Variants in ACTN4 observed in about 807,000 individuals in gnomAD.
ACTN4 encodes the protein alpha-actinin-4.
In ACTN4, 18 loss-of-function variants were observed where a neutral mutation model predicts 114.2. The observed-to-expected ratio is 0.16, with a 90% confidence interval of 0.11 to 0.23. The LOEUF is 0.23. Among genes scored for constraint, ACTN4 ranks in the 10% least tolerant of loss-of-function variants. The pLI, the probability that ACTN4 is intolerant of heterozygous loss-of-function variation, is 1.00. For missense variants in ACTN4, 722 were observed against 1,262.9 expected (o/e 0.57, Z 6.49); for synonymous variants, 515 against 506.3 (o/e 1.02, Z -0.23).
intron 5 of ACTN4, 152 bp from the exon 6 acceptor site, chr19:38,707,965 C>T (rs975497221): frequency 3.7e-6 from 3 of 804,368 alleles, no homozygotes; most frequent in Admixed American, 1.9e-5. Context: ...GTCATGCTTG[C>T]AGCCTCTCTG....
intron 3 of ACTN4, among the ~76,000 whole-genome samples, chr19:38,701,740 T>A (rs990631574): frequency 1.3e-5 from 2 of 152,238 alleles, no homozygotes; most frequent in African/African-American, 4.8e-5. Context: ...CAGGGGCCCC[T>A]GGGTTGAGCT....
intron 1 of ACTN4, among the ~76,000 whole-genome samples, chr19:38,651,318 T>G (rs1258526410): frequency 1.3e-5 from 2 of 152,182 alleles, no homozygotes; most frequent in Non-Finnish European, 2.9e-5. Context: ...CTGTAACCCG[T>G]AAGTAGGTTA....
chr19:38,706,069 T>C lies in ACTN4; in HGVS notation c.510T>C (p.Leu170=). The change falls in exon 5 of 21, where the codon CTT becomes CTC. Residue 170 remains leucine (L), a synonymous_variant. Transcript: ENST00000252699. ...VEETSAKEGL[L]LWCQRKTAPY... is the part of the protein sequence containing the mutation. ...AGACCTCGGCCAAGGAAGGGCTCCT[T>C]CTCTGGTGCCAGAGAAAGACAGCCC... The C allele has an allele frequency of 6.2e-7, 1 of 1,614,158 alleles. No homozygotes were observed. The highest frequency in any genetic ancestry group is 8.5e-7 in the Non-Finnish European group (1 of 1,180,006).
At chr19:38,708,020 G>T in intron 5 of ACTN4, 97 bp from the exon 6 acceptor site, 15 of 1,271,648 alleles carry the variant, frequency 1.2e-5, no homozygotes, top group Non-Finnish European at 1.6e-5. Flanking sequence ...AGACTGCAGT[G>T]AATGGGAATT....
chr19:38,653,220 C>T (rs1273559149), intron 1 of ACTN4, among the ~76,000 whole-genome samples: 2 of 151,988 alleles, frequency 1.3e-5, no homozygotes, highest in Non-Finnish European at 2.9e-5. Flanking sequence ...CGCCCTTTTT[C>T]AGAGTGAACT....
Position 38,729,450 on chromosome 19 carries a change from C to T in ACTN4, c.*18C>T. 1 of 1,612,566 alleles carries T rather than the reference C, an allele frequency of 6.2e-7. No individual in the cohort carries two copies. ...ACCTGTGAGGCCCCAGAGACCTGACCCAACACCCCCGACGGCCTCCAGGAG... is the reference window on the plus strand; with the variant it reads ...ACCTGTGAGGCCCCAGAGACCTGACTCAACACCCCCGACGGCCTCCAGGAG... On this transcript the variant is annotated 3_prime_UTR_variant, in exon 21 of 21. Transcript: ENST00000252699.
At chr19:38,720,581 T>TTGAGACTGGGAGAGGCTGAGG (rs1247254490) in intron 11 of ACTN4, among the ~76,000 whole-genome samples, 3 of 152,214 alleles carry the variant, frequency 2.0e-5, no homozygotes, top group African/African-American at 7.2e-5. Context: ...TGCCTGACAG[T>TTGAGACTGGGAGAGGCTGAGG]TGAGACTGGG....
intron 1 of ACTN4, among the ~76,000 whole-genome samples, chr19:38,693,225 G>T (rs1005540257): frequency 6.6e-6 from 1 of 152,132 alleles, no homozygotes; most frequent in African/African-American, 2.4e-5. Context: ...TGAAGCCTGC[G>T]ATCCAGTCTG....
intron 1 of ACTN4, among the ~76,000 whole-genome samples, chr19:38,648,793 G>A (rs773730919): frequency 5.9e-5 from 9 of 151,962 alleles, no homozygotes; most frequent in Non-Finnish European, 5.9e-5. Flanking sequence ...GGATAATTTG[G>A]GGAGGGATTT....
In ACTN4 at chr19:38,727,364, G is replaced by A. The variant is rs1246793100; in HGVS notation, c.2337+261G>A. The stretch of plus-strand genomic sequence containing the variant: ...GGGGTGGCATCCTCACCACCCCCAG[G>A]GCAGATGAAGTCTCAGCACACCCAG... On this transcript the variant is annotated intron_variant, in intron 18 of 20. Coordinates refer to ENST00000252699, the MANE Select transcript of ACTN4 (RefSeq NM_004924.6). The surrounding 1 kb of genome is among the most constrained non-coding windows in gnomAD (Gnocchi z 5.4). 1.3e-5 allele frequency among the ~76,000 whole-genome samples: 2 copies of A among 152,134 alleles called. No homozygotes were observed. The highest frequency in any genetic ancestry group is 2.9e-5 in the Non-Finnish European group (2 of 68,008).
chr19:38,676,642 C>A (rs1006636875), intron 1 of ACTN4, among the ~76,000 whole-genome samples: 1 of 152,208 alleles, frequency 6.6e-6, no homozygotes, highest in Non-Finnish European at 1.5e-5. Context: ...AACAGGCTGC[C>A]TTTCTGCTCT....
In ACTN4 at chr19:38,731,022, G is replaced by A; in HGVS notation, c.*1590G>A. Reference sequence around the variant, plus strand: ...CCCCATCCAGGTGCTGGCTGCAGTGGCCTGTGCAGAGAGGGGCAGGGTGAG... The same window carrying A: ...CCCCATCCAGGTGCTGGCTGCAGTGACCTGTGCAGAGAGGGGCAGGGTGAG... On this transcript the variant is annotated 3_prime_UTR_variant, in exon 21 of 21. Coordinates refer to ENST00000252699, the MANE Select transcript of ACTN4 (RefSeq NM_004924.6). 1.3e-6 allele frequency: 2 copies of A among 1,554,460 alleles called. No homozygotes were observed. Among genetic ancestry groups the A allele is most frequent in the Non-Finnish European group, 1.7e-6 (2 of 1,149,292 alleles).
intron 1 of ACTN4, among the ~76,000 whole-genome samples, chr19:38,682,906 T>C (rs533168898): frequency 2.0e-5 from 3 of 152,194 alleles, no homozygotes; most frequent in Non-Finnish European, 2.9e-5. Flanking sequence ...CTGAGCTTGA[T>C]TCCCTCCCCT....
intron 8 of ACTN4, among the ~76,000 whole-genome samples, chr19:38,711,897 C>T (rs937113127): frequency 2.4e-4 from 36 of 152,234 alleles, no homozygotes; most frequent in African/African-American, 7.7e-4. Context: ...GGCCGCCCTC[C>T]TGGGCCCAGC....
chr19:38,666,574 C>A (rs1966968124), intron 1 of ACTN4, among the ~76,000 whole-genome samples: 1 of 152,242 alleles, frequency 6.6e-6, no homozygotes, highest in Non-Finnish European at 1.5e-5. Flanking sequence ...ACACACAGGT[C>A]CGCAGTGGGA....
intron 19 of ACTN4, chr19:38,728,449 C>CCTCCTCCTCCT: frequency 9.6e-7 from 1 of 1,043,062 alleles, no homozygotes; most frequent in Non-Finnish European, 1.3e-6. Flanking sequence ...TCCTCCTCCT[C>CCTCCTCCTCCT]CCCCCCACCT....
At chr19:38,718,928 C>A (rs868787611) in intron 11 of ACTN4, among the ~76,000 whole-genome samples, 17 of 152,216 alleles carry the variant, frequency 1.1e-4, no homozygotes, top group African/African-American at 3.9e-4. Context: ...AGCCAGTGCT[C>A]ACCCTCAGAC....
intron 1 of ACTN4, among the ~76,000 whole-genome samples, chr19:38,656,430 A>G (rs1432897956): frequency 6.6e-6 from 1 of 152,180 alleles, no homozygotes; most frequent in Non-Finnish European, 1.5e-5. Context: ...GGCCCCTCCC[A>G]CGAAGAAAGC....
intron 1 of ACTN4, among the ~76,000 whole-genome samples, chr19:38,686,146 A>G (rs932251942): frequency 6.6e-5 from 10 of 152,128 alleles, no homozygotes; most frequent in African/African-American, 2.4e-4. Context: ...TGCCTAAATA[A>G]CAATCCCATC....
Sources: allele counts gnomAD v4.1 joint callset (sites outside exome capture counted in the v4.1 genomes callset), GRCh38; gene constraint gnomAD v4.1.1; non-coding constraint Gnocchi (gnomAD v3.1); transcripts MANE v1.5; gene names NCBI Gene and HGNC (gene_info 2026-07-23, HGNC 2026-07-21).